The following AXIN1 variants were observed in gnomAD, a reference collection of about 807,000 sequenced individuals.
AXIN1 encodes axin-1.
A neutral mutation model predicts 76.4 loss-of-function variants in AXIN1; 30 were observed. The observed-to-expected ratio is 0.39, with a 90% confidence interval of 0.29 to 0.53. The LOEUF is 0.53. Among genes scored for constraint, AXIN1 ranks in the 20% least tolerant of loss-of-function variants. AXIN1 has a pLI of 0.66. For missense variants in AXIN1, 1,140 were observed against 1,198.8 expected (o/e 0.95, Z 0.72); for synonymous variants, 545 against 501.4 (o/e 1.09, Z -1.16).
At chr16:295,288 T>A (rs1298250221) in intron 7 of AXIN1, among the ~76,000 whole-genome samples, 2 of 151,680 alleles carry the variant, frequency 1.3e-5, no homozygotes, top group Non-Finnish European at 2.9e-5. Flanking sequence ...GTATTTTTTT[T>A]AGTAGAGATG....
chr16:332,061 C>T (rs886674386), intron 2 of AXIN1, among the ~76,000 whole-genome samples: 6 of 152,148 alleles, frequency 3.9e-5, no homozygotes, highest in African/African-American at 1.4e-4. Flanking sequence ...GTTAGGGGCT[C>T]GCGGATGGCC....
At chr16:333,435 G>GA (rs756612335) in intron 2 of AXIN1, among the ~76,000 whole-genome samples, 5,103 of 101,444 alleles carry the variant, frequency 0.05, 317 homozygotes, top group African/African-American at 0.16. Context: ...ACTCGCCTCA[G>GA]AAAAAAAAAA....
chr16:297,707 C>A lies in AXIN1; in HGVS notation c.1784+15G>T. The A allele has an allele frequency of 6.3e-7, 1 of 1,590,262 alleles. No individual in the cohort carries two copies. The highest frequency in any genetic ancestry group is 2.2e-5 in the East Asian group (1 of 44,566). ...TCACCCCAAGCCCCCTCCTCACTGA[C>A]AGGCGCACGCTCACCTGTGGGCGAG... On this transcript the variant is annotated intron_variant, in intron 6 of 10. Coordinates refer to ENST00000262320, the MANE Select transcript of AXIN1 (RefSeq NM_003502.4).
At chr16:334,054 A>G (rs74000518) in intron 2 of AXIN1, among the ~76,000 whole-genome samples, 93 of 151,172 alleles carry the variant, frequency 6.2e-4, no homozygotes, top group African/African-American at 2.1e-3. Flanking sequence ...TAGCATGCCC[A>G]TAACACAGCA....
chr16:341,807 A>G (rs577783321), intron 2 of AXIN1, among the ~76,000 whole-genome samples: 80 of 152,238 alleles, frequency 5.3e-4, no homozygotes, highest in Non-Finnish European at 6.8e-4. Flanking sequence ...AAACACACCA[A>G]TCAGCACTCT....
At position 346,917 on chromosome 16, in the gene AXIN1, G is replaced by T. The variant is rs781699834; in HGVS notation, c.109C>A (p.Pro37Thr). The T allele has an allele frequency of 6.2e-7, 1 of 1,614,178 alleles. No individual in the cohort carries two copies. Among genetic ancestry groups the T allele is most frequent in the Non-Finnish European group, 8.5e-7 (1 of 1,180,008 alleles). Residue 37 changes from proline to threonine, a missense_variant, in exon 2 of 11, where the codon CCG becomes ACG. This residue lies in a region of AXIN1 where 708 missense variants were observed against 776.9 expected (regional missense o/e 0.91). Coordinates refer to ENST00000262320, the MANE Select transcript of AXIN1 (RefSeq NM_003502.4). ...CAGAAACTGTAGCTGGCGGGCCTCG[G>T]GTCTGTGGACACCAGTTCTCCCTCC... ...GEEGELVSTD[P>T]RPASYSFCSG... is the part of the protein sequence containing the mutation.
At chr16:322,578 C>A (rs964139030) in intron 2 of AXIN1, among the ~76,000 whole-genome samples, 3 of 152,212 alleles carry the variant, frequency 2.0e-5, no homozygotes, top group African/African-American at 7.2e-5. Context: ...CAAGTGGGAC[C>A]TGGCTGTCCG....
chr16:297,329 G>A, intron 6 of AXIN1, 103 bp from the exon 7 acceptor site: 3 of 1,485,700 alleles, frequency 2.0e-6, no homozygotes, highest in South Asian at 2.3e-5. Flanking sequence ...GGCTCCCGTG[G>A]TGCAGCCGCC....
chr16:309,415 G>A (rs1285646872), intron 4 of AXIN1, among the ~76,000 whole-genome samples: 6 of 152,200 alleles, frequency 3.9e-5, no homozygotes, highest in Non-Finnish European at 7.3e-5. Context: ...CTCTGTAGAC[G>A]GAGTCAGGCT....
At chr16:343,738 G>C (rs1040728616) in intron 2 of AXIN1, among the ~76,000 whole-genome samples, 1 of 150,094 alleles carries the variant, frequency 6.7e-6, no homozygotes, top group Non-Finnish European at 1.5e-5. Context: ...AACCAGCCAG[G>C]TGCAGTGGCT....
chr16:339,812 C>T (rs896488762), intron 2 of AXIN1, among the ~76,000 whole-genome samples: 11 of 152,322 alleles, frequency 7.2e-5, no homozygotes, highest in African/African-American at 2.6e-4. Context: ...CACCTCTGCC[C>T]CCTCTGCACC....
chr16:319,114 G>A (rs2053380322), intron 2 of AXIN1, among the ~76,000 whole-genome samples: 2 of 152,216 alleles, frequency 1.3e-5, no homozygotes, highest in African/African-American at 4.8e-5. Context: ...CGGGGACACA[G>A]AGGCTGGGAG....
intron 4 of AXIN1, 99 bp downstream of exon 4, chr16:309,874 C>T (rs1171409263): frequency 5.2e-5 from 62 of 1,184,032 alleles, no homozygotes; most frequent in Middle Eastern, 2.6e-4. Context: ...AAGCCTGGCT[C>T]GTGGGAGGCC....
At chr16:298,277 A>G (rs1311740800) in intron 5 of AXIN1, 26 bp from the exon 6 acceptor site, 2 of 1,536,980 alleles carry the variant, frequency 1.3e-6, no homozygotes, top group Non-Finnish European at 8.7e-7. Context: ...CAGCACCATC[A>G]CCTCTCAGCA....
intron 4 of AXIN1, among the ~76,000 whole-genome samples, chr16:304,943 G>T (rs80134030): frequency 6.6e-6 from 1 of 152,052 alleles, no homozygotes; most frequent in Non-Finnish European, 1.5e-5. Flanking sequence ...CATTCCCCAC[G>T]GACCCAGGAG....
At chr16:345,539 A>AC (rs908891746) in intron 2 of AXIN1, among the ~76,000 whole-genome samples, 1 of 152,006 alleles carries the variant, frequency 6.6e-6, no homozygotes, top group Non-Finnish European at 1.5e-5. Context: ...ACATGGAGAA[A>AC]CCCCACCTCT....
Position 295,293 on chromosome 16 carries a change from G to T in AXIN1, c.1956-1575C>A, listed in dbSNP as rs572201578. On this transcript the variant is annotated intron_variant, in intron 7 of 10. Coordinates refer to ENST00000262320, the MANE Select transcript of AXIN1 (RefSeq NM_003502.4). ...CTAATTTTTTGTATTTTTTTTAGTA[G>T]AGATGGAGTTTTTGTCATGTTGGCC... Among the ~76,000 whole-genome samples, 4 of 151,644 alleles carry T rather than the reference G, an allele frequency of 2.6e-5. No homozygotes were observed. The South Asian group carries it at 8.4e-4, about 32-fold the overall frequency.
chr16:288,951 G>T (rs1021767017), intron 10 of AXIN1, among the ~76,000 whole-genome samples: 3 of 152,216 alleles, frequency 2.0e-5, no homozygotes, highest in African/African-American at 7.2e-5. Flanking sequence ...GGCCCTGGAC[G>T]GGGGTCCCTT....
intron 1 of AXIN1, among the ~76,000 whole-genome samples, 193 bp downstream of exon 1, chr16:352,176 G>GC (rs2054159785): frequency 6.6e-6 from 1 of 151,710 alleles, no homozygotes; most frequent in Non-Finnish European, 1.5e-5. Context: ...CCCGAGACGC[G>GC]CCCGAGGCCT....
Sources: gnomAD v4.1 joint callset for allele counts (sites outside exome capture counted in the v4.1 genomes callset) on GRCh38, gnomAD v4.1.1 for gene constraint, gnomAD v4.1.1 regional missense constraint, MANE v1.5 for transcripts, NCBI Gene and HGNC (gene_info 2026-07-23, HGNC 2026-07-21) for gene names.